MAX: variants seen among roughly 807,000 people sequenced by gnomAD.
MAX encodes the protein protein max.
A neutral mutation model predicts 22.3 loss-of-function variants in MAX; 3 were observed. The observed-to-expected ratio is 0.13, with a 90% CI of 0.06 to 0.35. The LOEUF (loss-of-function observed/expected upper bound fraction) is 0.35. Among genes scored for constraint, MAX ranks in the 10% least tolerant of loss-of-function variants. The pLI, the probability that MAX is intolerant of heterozygous loss-of-function variation, is 1.00. For missense variants in MAX, 119 were observed against 209.4 expected, an observed-to-expected ratio of 0.57 and a Z score of 2.66; for synonymous variants, 72 against 77.7, an observed-to-expected ratio of 0.93 and a Z score of 0.39.
chr14:65,090,114 T>C (rs2063460493), intron 3 of MAX: 1 of 152,188 alleles, frequency 6.6e-6, no homozygotes, highest in African/African-American at 2.4e-5. Context: ...ATTTCAGTGT[T>C]ACCTACATAC....
In MAX at chr14:65,030,293, T is replaced by A. The variant is rs1047997098; in HGVS notation, c.172-24009A>T. 6.6e-6 allele frequency among the ~76,000 whole-genome samples: 1 copy of A among 152,232 alleles called. No individual in the cohort carries two copies. The highest frequency in any genetic ancestry group is 1.9e-4 in the East Asian group (1 of 5,202). ...TTGGCATTGGCACTTGTGACTCTTG[T>A]GTGCTCCCAATGCCTGCTGGTGGAA... On this transcript the variant is annotated intron_variant, in intron 3 of 3. Coordinates refer to the MAX transcript ENST00000341653. The surrounding 1 kb of genome is among the most constrained non-coding windows in gnomAD (Gnocchi z 4.5).
chr14:65,008,043 A>G (rs940455509), intron 3 of MAX, among the ~76,000 whole-genome samples: 3 of 152,222 alleles, frequency 2.0e-5, no homozygotes, highest in African/African-American at 7.2e-5. Flanking sequence ...ATACAATTTT[A>G]GAATTTCCCA....
Position 65,075,667 on chromosome 14 carries a change from C to G in MAX, c.*809G>C. On this transcript the variant is annotated 3_prime_UTR_variant, in exon 5 of 5. Transcript: ENST00000358664. The surrounding 1 kb of genome is among the most constrained non-coding windows in gnomAD (Gnocchi z 4.1). ...ATAAATATCAAAACATCATCACTGG[C>G]CCTCAATACAAAACCTCTATGCCAC... The G allele has an allele frequency of 9.4e-7, 1 of 1,066,424 alleles. No individual in the cohort carries two copies. The highest frequency in any genetic ancestry group is 4.5e-5 in the South Asian group (1 of 21,994). 66.1% of individuals were successfully genotyped at this position (1,066,424 alleles called of 1,614,324 possible).
chr14:65,027,257 C>T lies in MAX; in HGVS notation c.172-20973G>A. 1 of 830,420 alleles carries T rather than the reference C, an allele frequency of 1.2e-6. No homozygotes were observed. Among genetic ancestry groups the T allele is most frequent in the Non-Finnish European group, 1.8e-6 (1 of 549,300 alleles). The allele number at this position is 830,420 out of a possible 1,614,324, so 51.4% of individuals were successfully genotyped here. On this transcript the variant is annotated intron_variant, in intron 3 of 3. Transcript: ENST00000341653. This position sits in a 1 kb window ranked among gnomAD's most constrained non-coding sequence, Gnocchi z 5.7. ...CTTAAGTACGAAACTCAGAGGAGGG[C>T]AGACAGAAATGATGATAGCTGGAGA...
In MAX at chr14:65,047,053, G is replaced by A. The variant is rs1463336294; in HGVS notation, c.172-40769C>T. Among the ~76,000 whole-genome samples the A allele has an allele frequency of 1.3e-5, 2 of 152,086 alleles. No homozygotes were observed. The highest frequency in any genetic ancestry group is 2.9e-5 in the Non-Finnish European group (2 of 68,020). The stretch of plus-strand genomic sequence containing the variant: ...CATACAAACCAGTAAGAAATGGATG[G>A]ACAACCCAACTGAAAAACAGGCAAA... On this transcript the variant is annotated intron_variant, in intron 3 of 3. Transcript: ENST00000341653. The surrounding 1 kb of genome is among the most constrained non-coding windows in gnomAD (Gnocchi z 5.2).
rs760244573 is a variant in MAX at position 65,076,678 on chromosome 14, A to G, written c.296-15T>C. 1.1e-5 allele frequency: 18 copies of G among 1,614,192 alleles called. No homozygotes were observed. The highest frequency in any genetic ancestry group is 1.5e-5 in the Non-Finnish European group (18 of 1,180,024). On this transcript the variant is annotated splice_polypyrimidine_tract_variant and intron_variant, in intron 4 of 4. Transcript: ENST00000358664. This position sits in a 1 kb window ranked among gnomAD's most constrained non-coding sequence, Gnocchi z 6.6. ...CAGTGCACGGACTAAAAGGCAACCA[A>G]GGGAGTGTGTTACTGCCTTCTGGAG...
At chr14:65,008,605 C>A (rs147199169) in intron 3 of MAX, among the ~76,000 whole-genome samples, 32 of 152,326 alleles carry the variant, frequency 2.1e-4, no homozygotes, top group African/African-American at 7.5e-4. Flanking sequence ...TAAGCTGAAT[C>A]TGTAGGTGGA....
chr14:65,051,478 G>T lies in MAX; in HGVS notation c.171+42230C>A, dbSNP rs991983387. Among the ~76,000 whole-genome samples the T allele has an allele frequency of 9.2e-5, 14 of 152,082 alleles. 1 individual carries two copies. The highest frequency in any genetic ancestry group is 6.8e-3 in the Middle Eastern group (2 of 294). On this transcript the variant is annotated intron_variant, in intron 3 of 3. Transcript: ENST00000341653. ...ATACAAGAATTAGCCAGGCATGGTG[G>T]TGCATGCCTGTAATCCCAGCTACTC...
intron 3 of MAX, among the ~76,000 whole-genome samples, chr14:65,053,964 G>T (rs566268814): frequency 2.6e-4 from 39 of 152,222 alleles, no homozygotes; most frequent in African/African-American, 9.2e-4. Context: ...CATTAGTACT[G>T]CCCCTGGAGA....
At chr14:65,097,741 G>T (rs958544056) in intron 2 of MAX, among the ~76,000 whole-genome samples, 3 of 152,106 alleles carry the variant, frequency 2.0e-5, no homozygotes, top group African/African-American at 4.8e-5. Context: ...TGATAGATAA[G>T]AACAAGATAG....
Position 65,030,475 on chromosome 14 carries a change from A to T in MAX, c.172-24191T>A, listed in dbSNP as rs1000447058. ...AACCAGGGCCGAGCGGCAGTGGCTCATGTCTGTAATCTCAACACTTTGAGA... is the reference window on the plus strand; with the variant it reads ...AACCAGGGCCGAGCGGCAGTGGCTCTTGTCTGTAATCTCAACACTTTGAGA... On this transcript the variant is annotated intron_variant, in intron 3 of 3. Coordinates refer to the MAX transcript ENST00000341653. This position sits in a 1 kb window ranked among gnomAD's most constrained non-coding sequence, Gnocchi z 4.5. Among the ~76,000 whole-genome samples, 14 of 152,310 alleles carry T rather than the reference A, an allele frequency of 9.2e-5. No individual in the cohort carries two copies. Among genetic ancestry groups the T allele is most frequent in the African/African-American group, 3.1e-4 (13 of 41,586 alleles).
At position 65,011,870 on chromosome 14, in the gene MAX, A is replaced by C. The variant is rs190710665; in HGVS notation, c.172-5586T>G. 1.7e-4 allele frequency among the ~76,000 whole-genome samples: 26 copies of C among 152,220 alleles called. No individual in the cohort carries two copies. The highest frequency in any genetic ancestry group is 6.3e-4 in the African/African-American group (26 of 41,532). ...AGGGAGTAAATTATGGGCCTTGGAG[A>C]AGTCATCCCAGACGGGGTGACTGAA... On this transcript the variant is annotated intron_variant, in intron 3 of 3. Coordinates refer to the MAX transcript ENST00000341653. The surrounding 1 kb of genome is among the most constrained non-coding windows in gnomAD (Gnocchi z 4.0).
At chr14:65,095,193 T>TA (rs1440907307) in intron 2 of MAX, among the ~76,000 whole-genome samples, 1 of 152,240 alleles carries the variant, frequency 6.6e-6, no homozygotes, top group African/African-American at 2.4e-5. Context: ...CCTGGTCTCT[T>TA]AAACATAATA....
intron 2 of MAX, among the ~76,000 whole-genome samples, chr14:65,097,463 C>G (rs1026993278): frequency 1.3e-5 from 2 of 152,210 alleles, no homozygotes; most frequent in African/African-American, 2.4e-5. Flanking sequence ...GCACAAGGTT[C>G]TCCAGAACAA....
chr14:65,069,865 C>T lies in MAX; in HGVS notation c.171+23843G>A, dbSNP rs189844318. On this transcript the variant is annotated intron_variant, in intron 3 of 3. Transcript: ENST00000341653. This position sits in a 1 kb window ranked among gnomAD's most constrained non-coding sequence, Gnocchi z 4.6. ...ACAGGGTCCTTCCTCTCCAAAGTCT[C>T]CTACAGCCTTGCTGCAGTAGGTATT... is the stretch of plus-strand genomic sequence containing the variant. 6.6e-6 allele frequency among the ~76,000 whole-genome samples: 1 copy of T among 152,352 alleles called. No individual in the cohort carries two copies. The highest frequency in any genetic ancestry group is 1.9e-4 in the East Asian group (1 of 5,188).
chr14:65,093,641 C>G lies in MAX; in HGVS notation c.171+67G>C. The G allele has an allele frequency of 1.2e-6, 1 of 858,366 alleles. No homozygotes were observed. 53.2% of individuals were successfully genotyped at this position (858,366 alleles called of 1,614,324 possible). A position where few individuals can be genotyped will look rare whatever the true frequency, so the allele number is the denominator to read the frequency against. The stretch of plus-strand genomic sequence containing the variant: ...ATTTCCTTCCCAATAGGTGAGTGCT[C>G]TGCTAAGCTCTGCAACAAGTTCCAA... On this transcript the variant is annotated intron_variant, in intron 3 of 4. Transcript: ENST00000358664. The surrounding 1 kb of genome is among the most constrained non-coding windows in gnomAD (Gnocchi z 4.4).
At position 65,054,786 on chromosome 14, in the gene MAX, G is replaced by A. The variant is rs925508999; in HGVS notation, c.171+38922C>T. ...AGAACTGGCTCTGCATTTCCTGTGT[G>A]GACAGGCGGAAGCTTGTGGTCCCTC... On this transcript the variant is annotated intron_variant, in intron 3 of 3. Coordinates refer to the MAX transcript ENST00000341653. The surrounding 1 kb of genome is among the most constrained non-coding windows in gnomAD (Gnocchi z 4.4). 2 of 1,336,342 alleles carry A rather than the reference G, an allele frequency of 1.5e-6. No individual in the cohort carries two copies. The highest frequency in any genetic ancestry group is 1.5e-5 in the African/African-American group (1 of 68,870). The allele number at this position is 1,336,342 out of a possible 1,614,324, so 82.8% of individuals were successfully genotyped here.
intron 3 of MAX, among the ~76,000 whole-genome samples, chr14:65,013,326 T>G (rs527793897): frequency 0.033 from 990 of 29,758 alleles, 6 homozygotes; most frequent in Non-Finnish European, 0.043. Context: ...CTTTGTTTCC[T>G]TTTTTTTTTT....
intron 3 of MAX, among the ~76,000 whole-genome samples, chr14:65,092,984 T>A (rs1165343782): frequency 1.3e-5 from 2 of 152,226 alleles, no homozygotes; most frequent in Non-Finnish European, 2.9e-5. Context: ...GAACTAGCCA[T>A]GCAGATGTTT....
Sources: gnomAD v4.1 joint callset for allele counts (sites outside exome capture counted in the v4.1 genomes callset) on GRCh38, gnomAD v4.1.1 for gene constraint, Gnocchi (gnomAD v3.1) non-coding constraint, MANE v1.5 for transcripts, NCBI Gene and HGNC (gene_info 2026-07-23, HGNC 2026-07-21) for gene names.